Variants in TSHZ2 observed in about 807,000 individuals in gnomAD.
The protein encoded by TSHZ2 is teashirt homolog 2.
Under a neutral mutation model 74.4 loss-of-function variants are expected in TSHZ2, and 21 were observed. The observed-to-expected ratio is 0.28, with a 90% CI of 0.20 to 0.41. The LOEUF is 0.41. TSHZ2 is among the 10% of genes least tolerant of loss of function. The pLI, the probability that TSHZ2 is intolerant of heterozygous loss-of-function variation, is 1.00. For synonymous variants in TSHZ2, 540 were observed against 515.3 expected (o/e 1.05, Z -0.65); for missense variants, 1,244 against 1,293.5 (o/e 0.96, Z 0.59).
chr20:53,140,781 T>C (rs1031677598), intron 1 of TSHZ2, among the ~76,000 whole-genome samples: 13 of 152,292 alleles, frequency 8.5e-5, no homozygotes, highest in Admixed American at 7.2e-4. Flanking sequence ...TTGGTGGTTC[T>C]GATCTGTGCA....
At chr20:53,004,060 G>C (rs1374582133) in intron 1 of TSHZ2, among the ~76,000 whole-genome samples, 1 of 152,060 alleles carries the variant, frequency 6.6e-6, no homozygotes, top group Non-Finnish European at 1.5e-5. Flanking sequence ...AAACCCTATA[G>C]AGGAGTTGTT....
At chr20:52,983,772 A>C (rs1236233948) in intron 1 of TSHZ2, among the ~76,000 whole-genome samples, 1 of 152,184 alleles carries the variant, frequency 6.6e-6, no homozygotes, top group Non-Finnish European at 1.5e-5. Flanking sequence ...CATCTTCTAG[A>C]CAGTGCTTGC....
intron 2 of TSHZ2, among the ~76,000 whole-genome samples, chr20:53,383,597 T>C (rs749251636): frequency 2.6e-5 from 4 of 151,714 alleles, no homozygotes; most frequent in African/African-American, 9.7e-5. Context: ...CCATCTCTAC[T>C]AAAAAATAAT....
intron 2 of TSHZ2, among the ~76,000 whole-genome samples, chr20:53,357,434 G>A (rs574848783): frequency 1.3e-5 from 2 of 152,224 alleles, no homozygotes; most frequent in African/African-American, 4.8e-5. Flanking sequence ...GGAGGCTGAA[G>A]TGGGAGAATC....
chr20:53,001,226 G>GTGTGTGTGTATA (rs1555813609), intron 1 of TSHZ2, among the ~76,000 whole-genome samples: 26 of 146,720 alleles, frequency 1.8e-4, no homozygotes, highest in African/African-American at 6.5e-4. Flanking sequence ...GTGTGTGTGT[G>GTGTGTGTGTATA]TGTGTGTGTG....
In TSHZ2 at chr20:53,005,261, C is replaced by T. The variant is rs192156874; in HGVS notation, c.40+31928C>T. ...CTGGGAGGCAGAGATTGCCGTGAGC[C>T]AAGATCACACCGTGCACTCCAGCCT... On this transcript the variant is annotated intron_variant, in intron 1 of 2. Coordinates refer to ENST00000371497, the MANE Select transcript of TSHZ2 (RefSeq NM_173485.6). 1.5e-4 allele frequency among the ~76,000 whole-genome samples: 23 copies of T among 152,114 alleles called. No homozygotes were observed. The East Asian group carries it at 4.4e-3, about 29-fold the overall frequency.
intron 2 of TSHZ2, among the ~76,000 whole-genome samples, chr20:53,326,501 A>G (rs1600811929): frequency 6.6e-6 from 1 of 152,196 alleles, no homozygotes; most frequent in Non-Finnish European, 1.5e-5. Flanking sequence ...TTAGCTGTAC[A>G]TGAATTTGAT....
intron 1 of TSHZ2, among the ~76,000 whole-genome samples, chr20:53,067,302 A>C (rs1485555137): frequency 6.6e-6 from 1 of 152,184 alleles, no homozygotes; most frequent in East Asian, 1.9e-4. Flanking sequence ...ATGCTTTGTC[A>C]TTCTTGAGCA....
chr20:53,015,685 T>C (rs1256148591), intron 1 of TSHZ2, among the ~76,000 whole-genome samples: 1 of 152,176 alleles, frequency 6.6e-6, no homozygotes, highest in Non-Finnish European at 1.5e-5. Context: ...TGGGGGCCTC[T>C]ACCTCATTAT....
At chr20:53,448,473 A>G (rs1236149405) in intron 2 of TSHZ2, among the ~76,000 whole-genome samples, 2 of 152,204 alleles carry the variant, frequency 1.3e-5, no homozygotes, top group Non-Finnish European at 2.9e-5. Context: ...AAAGGAACTC[A>G]GATAAGACAA....
At chr20:53,185,503 C>T (rs1346114369) in intron 1 of TSHZ2, 3 of 1,382,018 alleles carry the variant, frequency 2.2e-6, no homozygotes, top group Non-Finnish European at 2.9e-6. Context: ...CATGGTGAAA[C>T]CTCAGGAGGC....
chr20:53,319,846 A>G (rs754826030), intron 2 of TSHZ2, among the ~76,000 whole-genome samples: 11 of 152,246 alleles, frequency 7.2e-5, no homozygotes, highest in Admixed American at 1.3e-4. Context: ...TCCTGTTAAC[A>G]GGACAATTGC....
intron 1 of TSHZ2, among the ~76,000 whole-genome samples, chr20:53,175,835 T>G (rs1387349640): frequency 6.6e-6 from 1 of 152,236 alleles, no homozygotes; most frequent in East Asian, 1.9e-4. Context: ...TTTGTTGCAT[T>G]CATTCAGCTA....
At chr20:53,226,962 G>A (rs762334435) in intron 1 of TSHZ2, among the ~76,000 whole-genome samples, 45 of 152,306 alleles carry the variant, frequency 3.0e-4, no homozygotes, top group Non-Finnish European at 5.3e-4. Flanking sequence ...GGTTAGAAAA[G>A]TCAGGTGAGT....
intron 1 of TSHZ2, among the ~76,000 whole-genome samples, chr20:52,979,685 T>C (rs1489033821): frequency 6.6e-6 from 1 of 152,160 alleles, no homozygotes; most frequent in African/African-American, 2.4e-5. Context: ...CTCAATTTTT[T>C]ACGTTTCCCC....
chr20:53,256,715 CA>C lies in TSHZ2; in HGVS notation c.*8+145del. 7.4e-7 allele frequency: 1 copy of C among 1,344,842 alleles called. No individual in the cohort carries two copies. Among genetic ancestry groups the C allele is most frequent in the Non-Finnish European group, 9.8e-7 (1 of 1,024,960 alleles). The allele number at this position is 1,344,842 out of a possible 1,614,324, so 83.3% of individuals were successfully genotyped here. On this transcript the variant is annotated intron_variant, in intron 2 of 2. Transcript: ENST00000371497. This position sits in a 1 kb window ranked among gnomAD's most constrained non-coding sequence, Gnocchi z 4.3. ...AGTAGGATTTATTTTAATGAAAGAC[CA>C]GAACATGAAAACTAAGTCCTAATCA...
At chr20:53,240,562 T>A (rs1456952942) in intron 1 of TSHZ2, among the ~76,000 whole-genome samples, 6 of 152,158 alleles carry the variant, frequency 3.9e-5, no homozygotes, top group Non-Finnish European at 7.4e-5. Context: ...GAGATGCTTT[T>A]CCAGGAACTC....
At chr20:53,291,476 A>G (rs1283514252) in intron 2 of TSHZ2, among the ~76,000 whole-genome samples, 2 of 143,148 alleles carry the variant, frequency 1.4e-5, no homozygotes, top group Non-Finnish European at 3.0e-5. Context: ...CTGTCTCAAA[A>G]AAAAAAAAAA....
intron 1 of TSHZ2, among the ~76,000 whole-genome samples, chr20:53,015,292 T>C (rs1982994176): frequency 6.6e-6 from 1 of 152,202 alleles, no homozygotes; most frequent in South Asian, 2.1e-4. Context: ...TTACCTTGTG[T>C]ATATTTCATT....
Sources: gnomAD v4.1 joint callset for allele counts (sites outside exome capture counted in the v4.1 genomes callset) on GRCh38, gnomAD v4.1.1 for gene constraint, Gnocchi (gnomAD v3.1) non-coding constraint, MANE v1.5 for transcripts, NCBI Gene and HGNC (gene_info 2026-07-23, HGNC 2026-07-21) for gene names.